Variants in GRIP1 observed in about 807,000 individuals in gnomAD.
GRIP1 encodes glutamate receptor-interacting protein 1.
In GRIP1, 45 loss-of-function variants were observed where a neutral mutation model predicts 129.9. That is an observed-to-expected ratio of 0.35 (90% CI 0.27 to 0.44). The LOEUF (loss-of-function observed/expected upper bound fraction) is 0.44. Ranked by LOEUF, GRIP1 falls within the 20% of genes least tolerant of loss-of-function variation. GRIP1 has a pLI of 1.00. For synonymous variants in GRIP1, 530 were observed against 520.8 expected (o/e 1.02, Z -0.24); for missense variants, 1,196 against 1,396.8 (o/e 0.86, Z 2.29).
At chr12:66,950,917 C>A (rs1007776199) in intron 1 of GRIP1, among the ~76,000 whole-genome samples, 63 of 152,274 alleles carry the variant, frequency 4.1e-4, no homozygotes, top group African/African-American at 1.4e-3. Context: ...TGTGTTGCAA[C>A]AAAAGATCAA....
intron 1 of GRIP1, among the ~76,000 whole-genome samples, chr12:66,937,231 T>G (rs949484835): frequency 6.6e-6 from 1 of 152,164 alleles, no homozygotes; most frequent in Non-Finnish European, 1.5e-5. Context: ...GTTGGCCATA[T>G]TATCTAATTT....
chr12:66,493,220 A>G (rs2138690552), intron 7 of GRIP1, among the ~76,000 whole-genome samples: 1 of 152,282 alleles, frequency 6.6e-6, no homozygotes, highest in African/African-American at 2.4e-5. Flanking sequence ...GTTGGGAACT[A>G]TTGCTTTAGA....
intron 5 of GRIP1, among the ~76,000 whole-genome samples, chr12:66,521,716 G>A (rs754291545): frequency 3.2e-4 from 48 of 152,292 alleles, no homozygotes; most frequent in East Asian, 7.7e-4. Context: ...TGCCTCACTC[G>A]GGAAGTGCAA....
At chr12:66,451,616 C>T (rs2058809093) in intron 11 of GRIP1, among the ~76,000 whole-genome samples, 1 of 151,536 alleles carries the variant, frequency 6.6e-6, no homozygotes, top group Non-Finnish European at 1.5e-5. Flanking sequence ...CACCATGTTG[C>T]CCAAACTGGT....
intron 1 of GRIP1, among the ~76,000 whole-genome samples, chr12:66,795,961 T>C (rs924196926): frequency 6.6e-6 from 1 of 152,178 alleles, no homozygotes; most frequent in Non-Finnish European, 1.5e-5. Context: ...ATGGTAAGTG[T>C]ACTTTTAGCT....
At chr12:66,605,621 C>G (rs987289385) in intron 1 of GRIP1, among the ~76,000 whole-genome samples, 1 of 152,182 alleles carries the variant, frequency 6.6e-6, no homozygotes, top group Non-Finnish European at 1.5e-5. Flanking sequence ...CTTTAATGCT[C>G]TCACCTGTTG....
chr12:66,809,592 A>C (rs1415729105), intron 1 of GRIP1, among the ~76,000 whole-genome samples: 1 of 152,128 alleles, frequency 6.6e-6, no homozygotes, highest in Non-Finnish European at 1.5e-5. Context: ...ATGATTTGTA[A>C]TATCCCTTCT....
chr12:67,011,452 C>G (rs973956786), intron 1 of GRIP1, among the ~76,000 whole-genome samples: 3 of 152,170 alleles, frequency 2.0e-5, no homozygotes, highest in African/African-American at 7.2e-5. Flanking sequence ...CCCCTGCTAC[C>G]TCTCTACCTG....
upstream of GRIP1, among the ~76,000 whole-genome samples, chr12:66,805,158 A>T (rs568662404): frequency 8.5e-5 from 13 of 152,300 alleles, no homozygotes; most frequent in South Asian, 4.1e-4. Context: ...TTACATTTTT[A>T]AAAAAACATG....
chr12:66,920,309 C>T (rs927754051), intron 1 of GRIP1, among the ~76,000 whole-genome samples: 4 of 152,172 alleles, frequency 2.6e-5, no homozygotes, highest in African/African-American at 9.7e-5. Context: ...ACTCTCCCGC[C>T]TACCCAGCTT....
intron 1 of GRIP1, among the ~76,000 whole-genome samples, chr12:66,818,369 T>C (rs2039260871): frequency 1.3e-5 from 2 of 152,224 alleles, no homozygotes; most frequent in Non-Finnish European, 2.9e-5. Context: ...ACTTAAAAGC[T>C]TGTATTTTAT....
intron 1 of GRIP1, among the ~76,000 whole-genome samples, chr12:66,731,551 T>C (rs564345489): frequency 6.6e-6 from 1 of 152,154 alleles, no homozygotes; most frequent in Non-Finnish European, 1.5e-5. Context: ...AAACTATAAA[T>C]AAACATGGTG....
chr12:66,915,415 G>C (rs1045101251), intron 1 of GRIP1, among the ~76,000 whole-genome samples: 2 of 152,226 alleles, frequency 1.3e-5, no homozygotes, highest in African/African-American at 2.4e-5. Context: ...TGGAGATGAG[G>C]GAGGGAGCTG....
At chr12:66,498,937 A>G (rs894441550) in intron 7 of GRIP1, among the ~76,000 whole-genome samples, 2 of 152,198 alleles carry the variant, frequency 1.3e-5, no homozygotes, top group African/African-American at 4.8e-5. Flanking sequence ...GAAAAACAGT[A>G]CTGTAAAGAG....
intron 1 of GRIP1, among the ~76,000 whole-genome samples, chr12:66,857,461 A>C (rs1275174894): frequency 6.6e-6 from 1 of 151,848 alleles, no homozygotes; most frequent in Admixed American, 6.6e-5. Flanking sequence ...GTAGCAAGGA[A>C]GTTGAAACTA....
chr12:66,929,683 TC>T (rs1309252246), intron 1 of GRIP1, among the ~76,000 whole-genome samples: 1 of 152,218 alleles, frequency 6.6e-6, no homozygotes, highest in Non-Finnish European at 1.5e-5. Context: ...ACAACTGAAA[TC>T]TTATGTCTAC....
intron 1 of GRIP1, among the ~76,000 whole-genome samples, chr12:66,749,141 T>C (rs1248606982): frequency 6.6e-6 from 1 of 152,232 alleles, no homozygotes; most frequent in Non-Finnish European, 1.5e-5. Context: ...GTGTTTTTAT[T>C]ATTATGTTTT....
At chr12:66,920,501 T>C (rs1294437266) in intron 1 of GRIP1, among the ~76,000 whole-genome samples, 1 of 152,110 alleles carries the variant, frequency 6.6e-6, no homozygotes, top group Admixed American at 6.5e-5. Context: ...TCCCAAAAGC[T>C]CAAGGAGTAG....
chr12:66,519,338 T>G (rs1384867009), intron 5 of GRIP1, among the ~76,000 whole-genome samples: 1 of 152,236 alleles, frequency 6.6e-6, no homozygotes, highest in Non-Finnish European at 1.5e-5. Flanking sequence ...AAAAAAATTT[T>G]AAAATAAAAA....
Sources: allele counts gnomAD v4.1 joint callset (sites outside exome capture counted in the v4.1 genomes callset), GRCh38; gene constraint gnomAD v4.1.1; transcripts MANE v1.5; gene names NCBI Gene and HGNC (gene_info 2026-07-23, HGNC 2026-07-21).